SOS1: variants seen among roughly 807,000 people sequenced by gnomAD.
SOS1 encodes the protein SOS Ras/Rac guanine nucleotide exchange factor 1.
Under a neutral mutation model 157.6 loss-of-function variants are expected in SOS1, and 25 were observed. The ratio of observed to expected loss-of-function variants is 0.16; its 90% confidence interval spans 0.12 to 0.22. SOS1 has a LOEUF of 0.22. Ranked by LOEUF, SOS1 falls within the 10% of genes least tolerant of loss-of-function variation. The pLI, the probability that SOS1 is intolerant of heterozygous loss-of-function variation, is 1.00. For synonymous variants in SOS1, 528 were observed against 534.0 expected (o/e 0.99, Z 0.16); for missense variants, 1,237 against 1,599.1 (o/e 0.77, Z 3.86).
At chr2:39,108,024 C>T (rs911478658) in intron 1 of SOS1, among the ~76,000 whole-genome samples, 4 of 152,150 alleles carry the variant, frequency 2.6e-5, no homozygotes, top group South Asian at 2.1e-4. Flanking sequence ...ACTGATGGTG[C>T]CTTAGTCTCC....
rs397517153 is a variant in SOS1 at position 39,022,779 on chromosome 2, A to G, written c.1649T>C (p.Leu550Pro). ...CATTGTTACATCAAGCATCCTTTCC[A>G]GTGTACTCCGGTACTGTAAAGATAT... ...ALISLQYRST[L>P]ERMLDVTMLQ... Residue 550 changes from leucine to proline, a missense_variant, in exon 10 of 23, where the codon CTG (leucine) becomes CCG (proline). Coordinates refer to ENST00000402219, the MANE Select transcript of SOS1 (RefSeq NM_005633.4). 3 of 1,613,634 alleles carry G rather than the reference A, an allele frequency of 1.9e-6. No individual in the cohort carries two copies. Among genetic ancestry groups the G allele is most frequent in the African/African-American group, 1.3e-5 (1 of 75,006 alleles).
At chr2:39,101,716 T>C (rs1050714880) in intron 1 of SOS1, among the ~76,000 whole-genome samples, 1 of 152,092 alleles carries the variant, frequency 6.6e-6, no homozygotes, top group Non-Finnish European at 1.5e-5. Flanking sequence ...TTCAGAATAA[T>C]TTTTTGCTTT....
chr2:39,016,146 C>A (rs893034283), intron 10 of SOS1, among the ~76,000 whole-genome samples: 1 of 151,880 alleles, frequency 6.6e-6, no homozygotes, highest in Admixed American at 6.6e-5. Context: ...GGATTTATCA[C>A]AAAACAGAAA....
intron 1 of SOS1, 149 bp downstream of exon 1, chr2:39,120,187 G>A (rs1214943491): frequency 3.2e-6 from 2 of 619,082 alleles, no homozygotes; most frequent in Non-Finnish European, 2.5e-6. Context: ...AGCCGTATGA[G>A]GGGGGCCTCT....
At chr2:39,077,413 G>A (rs1444864886) in intron 1 of SOS1, among the ~76,000 whole-genome samples, 1 of 151,816 alleles carries the variant, frequency 6.6e-6, no homozygotes, top group African/African-American at 2.4e-5. Flanking sequence ...TATTAAGGAA[G>A]TACCATAATA....
intron 13 of SOS1, among the ~76,000 whole-genome samples, chr2:39,012,926 C>G (rs1038956396): frequency 5.9e-5 from 9 of 152,056 alleles, no homozygotes; most frequent in African/African-American, 2.2e-4. Flanking sequence ...ATCCTTAGAG[C>G]CATACACTCA....
At chr2:39,052,918 C>A (rs995983287) in intron 5 of SOS1, among the ~76,000 whole-genome samples, 1 of 152,178 alleles carries the variant, frequency 6.6e-6, no homozygotes, top group East Asian at 1.9e-4. Context: ...TTTGGGAGGC[C>A]AAGGCTGGCA....
At position 38,991,163 on chromosome 2, in the gene SOS1, T is replaced by A. The variant is rs191013884; in HGVS notation, c.3347-1849A>T. Among the ~76,000 whole-genome samples, 6 of 151,808 alleles carry A rather than the reference T, an allele frequency of 4.0e-5. No individual in the cohort carries two copies. The East Asian group carries it at 9.7e-4, about 25-fold the overall frequency. On this transcript the variant is annotated intron_variant, in intron 20 of 22. Coordinates refer to ENST00000402219, the MANE Select transcript of SOS1 (RefSeq NM_005633.4). ...TATACAGTCAGGGTTGAAACCACTCTTAAAGATACTCCCCAGTTTATAAAG... is the reference window on the plus strand; with the variant it reads ...TATACAGTCAGGGTTGAAACCACTCATAAAGATACTCCCCAGTTTATAAAG...
At chr2:39,100,852 G>A (rs1384572637) in intron 1 of SOS1, among the ~76,000 whole-genome samples, 1 of 152,186 alleles carries the variant, frequency 6.6e-6, no homozygotes, top group African/African-American at 2.4e-5. Flanking sequence ...CCAGGAGGGG[G>A]AGGTTGCAGT....
chr2:39,061,443 A>G (rs924861171), intron 2 of SOS1, among the ~76,000 whole-genome samples: 5 of 152,154 alleles, frequency 3.3e-5, no homozygotes, highest in Admixed American at 2.6e-4. Context: ...GCTGGAGTGC[A>G]ATGATGCAAT....
intron 17 of SOS1, among the ~76,000 whole-genome samples, chr2:39,005,651 A>G (rs79933362): frequency 0.036 from 5,442 of 152,200 alleles, 122 homozygotes; most frequent in Non-Finnish European, 0.05. Flanking sequence ...AAAATATATT[A>G]AAAGTATCAG....
At chr2:39,033,647 T>A (rs1670242391) in intron 8 of SOS1, among the ~76,000 whole-genome samples, 2 of 152,132 alleles carry the variant, frequency 1.3e-5, no homozygotes, top group Non-Finnish European at 2.9e-5. Flanking sequence ...GTGTTCCTCC[T>A]GCCCAGCCTT....
rs1388226405 is a variant in SOS1 at position 38,985,429 on chromosome 2, T to TTC, written c.*394_*395insGA. The TTC allele has an allele frequency of 5.7e-6, 1 of 175,500 alleles. No individual in the cohort carries two copies. Among genetic ancestry groups the TTC allele is most frequent in the African/African-American group, 2.4e-5 (1 of 41,842 alleles). 10.9% of individuals were successfully genotyped at this position (175,500 alleles called of 1,614,324 possible). A position where few individuals can be genotyped will look rare whatever the true frequency, so the allele number is the denominator to read the frequency against. On this transcript the variant is annotated 3_prime_UTR_variant, in exon 23 of 23. Coordinates refer to ENST00000402219, the MANE Select transcript of SOS1 (RefSeq NM_005633.4). ...ATTAAGATCCCTGTTTAAGTTTTTTTTTTTAAAAGTGCATAATTTGAATTA... is the reference window on the plus strand; with the variant it reads ...ATTAAGATCCCTGTTTAAGTTTTTTTTCTTTTAAAAGTGCATAATTTGAATTA...
At chr2:39,042,560 C>T (rs1055519893) in intron 6 of SOS1, among the ~76,000 whole-genome samples, 23 of 151,976 alleles carry the variant, frequency 1.5e-4, no homozygotes, top group Admixed American at 1.0e-3. Flanking sequence ...CCCGCCACTA[C>T]GCCCAGCTAA....
At chr2:39,063,685 G>C (rs1001207064) in intron 2 of SOS1, among the ~76,000 whole-genome samples, 1 of 152,046 alleles carries the variant, frequency 6.6e-6, no homozygotes, top group African/African-American at 2.4e-5. Flanking sequence ...AAGTACTTTT[G>C]AAGCACCTAT....
At chr2:39,101,656 A>G (rs1488529470) in intron 1 of SOS1, among the ~76,000 whole-genome samples, 2 of 151,982 alleles carry the variant, frequency 1.3e-5, no homozygotes, top group Non-Finnish European at 2.9e-5. Flanking sequence ...TACTTAAAAA[A>G]AAACAGAAAA....
chr2:39,086,514 C>G (rs898084830), intron 1 of SOS1, among the ~76,000 whole-genome samples: 4 of 152,134 alleles, frequency 2.6e-5, no homozygotes, highest in African/African-American at 9.7e-5. Context: ...GGTAAGCAAG[C>G]CTGAATTACA....
intron 1 of SOS1, among the ~76,000 whole-genome samples, chr2:39,119,812 G>C (rs1325552354): frequency 6.6e-6 from 1 of 152,202 alleles, no homozygotes; most frequent in Non-Finnish European, 1.5e-5. Context: ...GTTAATCGGA[G>C]GAGCGGGGGA....
intron 2 of SOS1, among the ~76,000 whole-genome samples, chr2:39,060,934 G>GAA (rs5830556): frequency 1.4e-4 from 19 of 140,314 alleles, no homozygotes; most frequent in Admixed American, 3.6e-4. Context: ...ACATGTCTTT[G>GAA]AAAAAAAAAA....
Sources: gnomAD v4.1 joint callset for allele counts (sites outside exome capture counted in the v4.1 genomes callset) on GRCh38, gnomAD v4.1.1 for gene constraint, MANE v1.5 for transcripts, NCBI Gene and HGNC (gene_info 2026-07-23, HGNC 2026-07-21) for gene names.